SFMBT1: variants seen among roughly 807,000 people sequenced by gnomAD.
The protein encoded by SFMBT1 is scm-like with four MBT domains protein 1.
SFMBT1 carries 32 observed loss-of-function variants against 108.7 expected under a neutral mutation model. The observed-to-expected ratio is 0.29, with a 90% CI of 0.22 to 0.40. The LOEUF (loss-of-function observed/expected upper bound fraction) is 0.40, where lower values mean the gene tolerates loss of function less well. SFMBT1 is among the 10% of genes least tolerant of loss of function. The probability of loss-of-function intolerance (pLI) is 1.00; values close to 1 mark genes in which losing one functional copy is unlikely to be tolerated. For missense variants in SFMBT1, 816 were observed against 1,059.6 expected (o/e 0.77, Z 3.19); for synonymous variants, 348 against 369.5 (o/e 0.94, Z 0.67).
At chr3:52,946,574 A>T (rs1166590764) in intron 3 of SFMBT1, among the ~76,000 whole-genome samples, 1 of 152,240 alleles carries the variant, frequency 6.6e-6, no homozygotes, top group Non-Finnish European at 1.5e-5. Context: ...CAATTTATTC[A>T]TTCCACTTCT....
At chr3:53,038,371 A>C (rs1156571786) in intron 1 of SFMBT1, among the ~76,000 whole-genome samples, 1 of 152,232 alleles carries the variant, frequency 6.6e-6, no homozygotes, top group African/African-American at 2.4e-5. Flanking sequence ...TTAAGAATTG[A>C]ATAGTAACAC....
chr3:52,977,548 T>A (rs1393706980), intron 1 of SFMBT1, among the ~76,000 whole-genome samples: 1 of 151,760 alleles, frequency 6.6e-6, no homozygotes, highest in African/African-American at 2.4e-5. Context: ...ACTGGAAACC[T>A]CAGGGTCAAT....
Position 52,903,897 on chromosome 3 carries a change from G to A in SFMBT1, c.*1239C>T, listed in dbSNP as rs1055371856. 6.6e-6 allele frequency: 1 copy of A among 152,134 alleles called. No individual in the cohort carries two copies. Among genetic ancestry groups the A allele is most frequent in the Admixed American group, 6.5e-5 (1 of 15,272 alleles). 9.4% of individuals were successfully genotyped at this position (152,134 alleles called of 1,614,324 possible). ...AAAAGAATACTGAGTTGTTTAAATG[G>A]GAATCCTCGGACTAAAGATTATATT... On this transcript the variant is annotated 3_prime_UTR_variant, in exon 21 of 21. Coordinates refer to ENST00000394752, the MANE Select transcript of SFMBT1 (RefSeq NM_016329.4).
At position 53,039,686 on chromosome 3, in the gene SFMBT1, G is replaced by A. The variant is rs142645927; in HGVS notation, c.-131+6130C>T. ...GTCTCTCTCTGTTGCCCAAGCTGGA[G>A]TGCAGTGATGTCATCTCAGCTCACT... On this transcript the variant is annotated intron_variant, in intron 1 of 20. Transcript: ENST00000394752. Among the ~76,000 whole-genome samples, 183 of 152,286 alleles carry A rather than the reference G, an allele frequency of 1.2e-3. 1 individual carries two copies. The highest frequency in any genetic ancestry group is 2.2e-3 in the Admixed American group (34 of 15,306).
At chr3:52,956,998 T>C (rs1703805852) in intron 2 of SFMBT1, among the ~76,000 whole-genome samples, 1 of 152,064 alleles carries the variant, frequency 6.6e-6, no homozygotes, top group South Asian at 2.1e-4. Context: ...GAGAGAGTGA[T>C]AAAGGGTATT....
At chr3:52,923,972 CG>C (rs1702588143) in intron 10 of SFMBT1, among the ~76,000 whole-genome samples, 1 of 151,926 alleles carries the variant, frequency 6.6e-6, no homozygotes. Flanking sequence ...CAGAAAGGGT[CG>C]GGGGAAAAGC....
At chr3:52,915,248 A>G (rs1702316572) in intron 14 of SFMBT1, among the ~76,000 whole-genome samples, 1 of 152,204 alleles carries the variant, frequency 6.6e-6, no homozygotes, top group African/African-American at 2.4e-5. Flanking sequence ...AGGGAACCTG[A>G]CCTATGACAA....
intron 4 of SFMBT1, among the ~76,000 whole-genome samples, chr3:52,942,082 G>A (rs926458395): frequency 6.6e-6 from 1 of 151,890 alleles, no homozygotes; most frequent in African/African-American, 2.4e-5. Context: ...GCAAGACCCT[G>A]CCTCAAGAAA....
intron 12 of SFMBT1, among the ~76,000 whole-genome samples, chr3:52,919,962 C>CA (rs2106778190): frequency 6.6e-6 from 1 of 152,334 alleles, no homozygotes; most frequent in Admixed American, 6.5e-5. Flanking sequence ...GTCACAAGGG[C>CA]AGAACCTTCA....
chr3:52,907,684 A>G lies in SFMBT1; in HGVS notation c.1956T>C (p.Gly652=). 6.2e-7 allele frequency: 1 copy of G among 1,613,762 alleles called. No individual in the cohort carries two copies. ...KKNKRIGRPP[G]GHSNLACALK... ...GGGCACAAGCTAAGTTACTATGCCC[A>G]CCAGGTGGCCTCCCAATTCTTTTAT... The change falls in exon 18 of 21, where the codon GGT becomes GGC. Residue 652 remains glycine, a synonymous_variant. Coordinates refer to ENST00000394752, the MANE Select transcript of SFMBT1 (RefSeq NM_016329.4).
At chr3:53,036,342 AT>A (rs1262229417) in intron 1 of SFMBT1, among the ~76,000 whole-genome samples, 1 of 152,216 alleles carries the variant, frequency 6.6e-6, no homozygotes, top group Non-Finnish European at 1.5e-5. Flanking sequence ...GAAAGATTTC[AT>A]TTGAACAAAG....
In SFMBT1 at chr3:52,904,386, G is replaced by GT. The variant is rs902123537; in HGVS notation, c.*749dup. The GT allele has an allele frequency of 7.9e-5, 12 of 152,188 alleles. No individual in the cohort carries two copies. The highest frequency in any genetic ancestry group is 7.9e-4 in the Admixed American group (12 of 15,278). 9.4% of individuals were successfully genotyped at this position (152,188 alleles called of 1,614,324 possible). On this transcript the variant is annotated 3_prime_UTR_variant, in exon 21 of 21. Transcript: ENST00000394752. The stretch of plus-strand genomic sequence containing the variant: ...AGATCAGGTCAGTTAAGGAACTGGT[G>GT]TAAGTGCCCCATATAATGTTTTTAA...
intron 1 of SFMBT1, among the ~76,000 whole-genome samples, chr3:53,026,955 C>T (rs1338090654): frequency 6.6e-6 from 1 of 152,026 alleles, no homozygotes; most frequent in Non-Finnish European, 1.5e-5. Context: ...GCTAATTTTT[C>T]AATTTTTTGT....
chr3:52,963,873 A>C (rs1469409683), intron 2 of SFMBT1, among the ~76,000 whole-genome samples: 1 of 152,238 alleles, frequency 6.6e-6, no homozygotes, highest in Non-Finnish European at 1.5e-5. Flanking sequence ...TGGTATTATT[A>C]TTTTAAAATA....
chr3:52,941,593 C>CAAAAAAAAAA (rs145581859), intron 4 of SFMBT1, among the ~76,000 whole-genome samples: 1 of 64,056 alleles, frequency 1.6e-5, no homozygotes, highest in Admixed American at 2.4e-4. Context: ...GACTCTGTTT[C>CAAAAAAAAAA]AAAAAAAAAA....
intron 2 of SFMBT1, among the ~76,000 whole-genome samples, chr3:52,966,455 C>T (rs1354849058): frequency 1.3e-5 from 2 of 150,996 alleles, no homozygotes; most frequent in Admixed American, 6.6e-5. Context: ...GAAACCCCGT[C>T]TCTACTAAAA....
At position 52,943,379 on chromosome 3, in the gene SFMBT1, T is replaced by G; in HGVS notation, c.338A>C (p.Asn113Thr). The G allele has an allele frequency of 1.9e-6, 3 of 1,614,256 alleles. No homozygotes were observed. Among genetic ancestry groups the G allele is most frequent in the Non-Finnish European group, 2.5e-6 (3 of 1,180,044 alleles). Residue 113 changes from asparagine to threonine, a missense_variant, in exon 4 of 21, where the codon AAT becomes ACT. Physicochemically the swap from Asn to Thr is moderately conservative, Grantham distance 65 (BLOSUM62 0). Transcript: ENST00000394752. ...TTCTGGGGCTTCAAGGGTCTTCTTATTCTGCTCACACCACCCAATGGGGTA... is the reference window on the plus strand; with the variant it reads ...TTCTGGGGCTTCAAGGGTCTTCTTAGTCTGCTCACACCACCCAATGGGGTA... The part of the protein sequence containing the change: ...DLYPIGWCEQ[N>T]KKTLEAPEGI...
intron 3 of SFMBT1, among the ~76,000 whole-genome samples, chr3:52,946,982 G>A (rs976296227): frequency 1.3e-5 from 2 of 151,926 alleles, no homozygotes; most frequent in African/African-American, 4.8e-5. Context: ...ATATTGGCCA[G>A]GCTGGTCTCT....
At position 53,002,119 on chromosome 3, in the gene SFMBT1, A is replaced by T. The variant is rs115164824; in HGVS notation, c.-130-32861T>A. Among the ~76,000 whole-genome samples the T allele has an allele frequency of 3.0e-3, 449 of 150,142 alleles. 6 individuals carry two copies. Among genetic ancestry groups the T allele is most frequent in the African/African-American group, 0.01 (423 of 41,386 alleles). ...AGAGAGCTTAGAAATCATCCAGCCC[A>T]GTTGGCCGCAGTGGCTCACGCCTGT... is the stretch of plus-strand genomic sequence containing the variant. On this transcript the variant is annotated intron_variant, in intron 1 of 20. Transcript: ENST00000394752.
Sources: allele counts gnomAD v4.1 joint callset (sites outside exome capture counted in the v4.1 genomes callset), GRCh38; gene constraint gnomAD v4.1.1; transcripts MANE v1.5; gene names NCBI Gene and HGNC (gene_info 2026-07-23, HGNC 2026-07-21).